ACCSL: variants seen among roughly 807,000 people sequenced by gnomAD.
ACCSL encodes 1-aminocyclopropane-1-carboxylate synthase homolog (inactive) like.
ACCSL carries 55 observed loss-of-function variants against 61.7 expected under a neutral mutation model. The ratio of observed to expected loss-of-function variants is 0.89; its 90% confidence interval spans 0.72 to 1.12. The LOEUF (loss-of-function observed/expected upper bound fraction) is 1.12, where lower values mean the gene tolerates loss of function less well. ACCSL is among the 50% of genes most tolerant of loss of function. ACCSL has a pLI of 0.00. For synonymous variants in ACCSL, 258 were observed against 264.3 expected, an observed-to-expected ratio of 0.98 and a Z score of 0.23; for missense variants, 632 against 698.0, an observed-to-expected ratio of 0.91 and a Z score of 1.07.
chr11:43,953,960 G>A, the ACCSL span, among the ~76,000 whole-genome samples: 4 of 152,124 alleles, frequency 2.6e-5, no homozygotes, highest in Non-Finnish European at 4.4e-5. Flanking sequence ...CCTCTCTTGG[G>A]GTCTGGATTG....
the ACCSL span, among the ~76,000 whole-genome samples, chr11:43,947,705 C>G: frequency 1.3e-5 from 2 of 149,376 alleles, no homozygotes; most frequent in African/African-American, 4.9e-5. Context: ...GGATAAAGGC[C>G]CCCCTGGGAG....
the ACCSL span, among the ~76,000 whole-genome samples, chr11:44,005,986 G>A: frequency 6.6e-6 from 1 of 152,192 alleles, no homozygotes; most frequent in Non-Finnish European, 1.5e-5. Flanking sequence ...CAAGTTTGCA[G>A]GGTGTGTTCC....
the ACCSL span, among the ~76,000 whole-genome samples, chr11:43,940,601 C>T: frequency 1.3e-5 from 2 of 151,992 alleles, no homozygotes; most frequent in South Asian, 4.2e-4. Flanking sequence ...ACCTTGTGAT[C>T]CGTCCGCCTA....
chr11:44,044,450 G>A (rs1410616084), upstream of ACCSL, among the ~76,000 whole-genome samples: 2 of 152,040 alleles, frequency 1.3e-5, no homozygotes, highest in Admixed American at 1.3e-4. Context: ...GCCTGTCAAG[G>A]GTACTTCTAC....
At chr11:43,992,154 G>A in the ACCSL span, among the ~76,000 whole-genome samples, 230 of 150,670 alleles carry the variant, frequency 1.5e-3, no homozygotes, top group Non-Finnish European at 1.7e-3. Flanking sequence ...TGGGCCCAAG[G>A]GATCCTCCCA....
At chr11:43,952,258 C>T in the ACCSL span, among the ~76,000 whole-genome samples, 1 of 151,944 alleles carries the variant, frequency 6.6e-6, no homozygotes, top group Non-Finnish European at 1.5e-5. Context: ...CTGTGTCTGT[C>T]GTTCCTTTCT....
the ACCSL span, among the ~76,000 whole-genome samples, chr11:43,929,606 C>T: frequency 2.0e-5 from 3 of 152,070 alleles, no homozygotes; most frequent in Non-Finnish European, 4.4e-5. Flanking sequence ...GGGGTTTCGC[C>T]ATGTTGGCCA....
intron 1 of ACCSL, among the ~76,000 whole-genome samples, chr11:44,049,419 CAAAA>C (rs33944147): frequency 1.8e-4 from 6 of 33,912 alleles, no homozygotes; most frequent in Non-Finnish European, 3.2e-4. Flanking sequence ...GACCCTGTCT[CAAAA>C]AAAAAAAAAA....
the ACCSL span, among the ~76,000 whole-genome samples, chr11:43,931,690 T>G: frequency 1.3e-5 from 2 of 152,204 alleles, no homozygotes; most frequent in African/African-American, 2.4e-5. Context: ...CACAAAGTGC[T>G]TTTTGTTGGT....
At chr11:44,023,627 G>GT in the ACCSL span, among the ~76,000 whole-genome samples, 24,352 of 137,812 alleles carry the variant, frequency 0.18, 2,290 homozygotes, top group East Asian at 0.28. Flanking sequence ...GATTTTATCT[G>GT]TTTTTTTTTT....
the ACCSL span, among the ~76,000 whole-genome samples, chr11:43,992,054 C>CTTTTTTTTTTTTTTTTTTTTTTTTTTTTT: frequency 8.8e-6 from 1 of 114,146 alleles, no homozygotes; most frequent in African/African-American, 3.6e-5. Context: ...TTCTTTCTTT[C>CTTTTTTTTTTTTTTTTTTTTTTTTTTTTT]TTTTTTTTTT....
chr11:44,042,978 G>A, the ACCSL span, among the ~76,000 whole-genome samples: 9,033 of 151,716 alleles, frequency 0.06, 498 homozygotes, highest in African/African-American at 0.14. Flanking sequence ...AGTTACTCGG[G>A]ATGCTGAGGT....
chr11:44,050,038 A>G, intron 1 of ACCSL, 24 bp from the exon 2 acceptor site: 4 of 1,614,000 alleles, frequency 2.5e-6, no homozygotes, highest in Non-Finnish European at 3.4e-6. Flanking sequence ...GACTGACCTG[A>G]TCTTGGATTC....
the ACCSL span, among the ~76,000 whole-genome samples, chr11:43,979,955 T>C: frequency 2.0e-5 from 3 of 151,490 alleles, no homozygotes; most frequent in Non-Finnish European, 4.4e-5. Context: ...GCCTCAGAAA[T>C]CACCACCACT....
chr11:43,959,916 C>G, the ACCSL span, among the ~76,000 whole-genome samples: 1 of 152,158 alleles, frequency 6.6e-6, no homozygotes, highest in African/African-American at 2.4e-5. Flanking sequence ...TCACGCCAGA[C>G]TCAAAATAAC....
the ACCSL span, among the ~76,000 whole-genome samples, chr11:44,008,211 G>T: frequency 6.6e-6 from 1 of 152,228 alleles, no homozygotes; most frequent in Admixed American, 6.5e-5. Context: ...ACAAGCAGAT[G>T]CTCAGAGATG....
intron 4 of ACCSL, 30 bp downstream of exon 4, chr11:44,051,434 C>T: frequency 2.5e-6 from 4 of 1,612,554 alleles, no homozygotes; most frequent in Non-Finnish European, 3.4e-6. Context: ...TTGCTGCCAC[C>T]CTGGTGGAGG....
At chr11:43,947,954 C>T in the ACCSL span, among the ~76,000 whole-genome samples, 1 of 152,188 alleles carries the variant, frequency 6.6e-6, no homozygotes, top group East Asian at 1.9e-4. Context: ...CAAGGAGTCA[C>T]CTCTGTCCTT....
the ACCSL span, among the ~76,000 whole-genome samples, chr11:43,954,424 TGAG>T: frequency 9.2e-5 from 14 of 152,056 alleles, no homozygotes. Flanking sequence ...TAGATGAGCT[TGAG>T]GAGGCGGTGT....
Sources: allele counts gnomAD v4.1 joint callset (sites outside exome capture counted in the v4.1 genomes callset), GRCh38; gene constraint gnomAD v4.1.1; transcripts MANE v1.5; gene names NCBI Gene and HGNC (gene_info 2026-07-23, HGNC 2026-07-21).